CCDC50: variants seen among roughly 807,000 people sequenced by gnomAD.
The protein encoded by CCDC50 is coiled-coil domain containing 50.
CCDC50 carries 54 observed loss-of-function variants against 70.2 expected under a neutral mutation model. That is an observed-to-expected ratio of 0.77 (90% CI 0.62 to 0.96). The LOEUF (loss-of-function observed/expected upper bound fraction) is 0.96. Among genes scored for constraint, CCDC50 ranks in the 50% least tolerant of loss-of-function variants. The pLI, the probability that CCDC50 is intolerant of heterozygous loss-of-function variation, is 0.00. For missense variants in CCDC50, 558 were observed against 578.7 expected (o/e 0.96, Z 0.37); for synonymous variants, 216 against 198.8 (o/e 1.09, Z -0.73).
In CCDC50 at chr3:191,337,156, T is replaced by C. The variant is rs1009795726; in HGVS notation, c.49+7433T>C. Among the ~76,000 whole-genome samples, 3 of 149,804 alleles carry C rather than the reference T, an allele frequency of 2.0e-5. No individual in the cohort carries two copies. In the East Asian group the frequency reaches 5.8e-4, roughly 29 times the overall value. On this transcript the variant is annotated intron_variant, in intron 1 of 11. Coordinates refer to ENST00000392455, the MANE Select transcript of CCDC50 (RefSeq NM_178335.3). ...GGCAAAGCTTAAATTTTTTGCGACC[T>C]GATACTAGACAGAAAAAAAAAAAAG... is the stretch of plus-strand genomic sequence containing the variant.
chr3:191,352,799 T>G (rs2108645128), intron 1 of CCDC50, among the ~76,000 whole-genome samples: 1 of 142,014 alleles, frequency 7.0e-6, no homozygotes, highest in Non-Finnish European at 1.6e-5. Context: ...TTAATGAGAA[T>G]GGGGATAGGG....
rs1560174944 is a variant in CCDC50 at position 191,393,227 on chromosome 3, CCT to C, written c.*1474_*1475del. Reference sequence around the variant, plus strand: ...ATGGCAATCAAGCTCACTTGTTCTCCCTCTCTCTGTCTCCCCCCCATGTACAC... The same window carrying C: ...ATGGCAATCAAGCTCACTTGTTCTCCCTCTCTGTCTCCCCCCCATGTACAC... On this transcript the variant is annotated 3_prime_UTR_variant, in exon 12 of 12. Coordinates refer to ENST00000392455, the MANE Select transcript of CCDC50 (RefSeq NM_178335.3). 2 of 152,248 alleles carry C rather than the reference CCT, an allele frequency of 1.3e-5. No homozygotes were observed. Among genetic ancestry groups the C allele is most frequent in the South Asian group, 2.1e-4 (1 of 4,830 alleles). 9.4% of individuals were successfully genotyped at this position (152,248 alleles called of 1,614,324 possible). A position where few individuals can be genotyped will look rare whatever the true frequency, so the allele number is the denominator to read the frequency against.
intron 4 of CCDC50, among the ~76,000 whole-genome samples, chr3:191,363,075 GT>G (rs35947345): frequency 0.65 from 95,581 of 147,868 alleles, 32,314 homozygotes; most frequent in East Asian, 0.89. Context: ...GTCCTGTGGG[GT>G]TTTTTTTTTT....
chr3:191,356,150 G>A (rs958988940), intron 1 of CCDC50, among the ~76,000 whole-genome samples: 4 of 152,112 alleles, frequency 2.6e-5, no homozygotes, highest in African/African-American at 9.7e-5. Flanking sequence ...TTACATGCTT[G>A]GAATAGAGTG....
At position 191,357,904 on chromosome 3, in the gene CCDC50, CTGT is replaced by C. The variant is rs2108648867; in HGVS notation, c.113-89_113-87del. 1.3e-5 allele frequency: 19 copies of C among 1,484,256 alleles called. No individual in the cohort carries two copies. The South Asian group carries it at 2.2e-4, about 17-fold the overall frequency. The allele number at this position is 1,484,256 out of a possible 1,614,324, so 91.9% of individuals were successfully genotyped here. On this transcript the variant is annotated intron_variant, in intron 2 of 11. Coordinates refer to ENST00000392455, the MANE Select transcript of CCDC50 (RefSeq NM_178335.3). ...ATAAAATGAAGTGATGGATGCAAAGCTGTTGTTATGGTAAAGCTCTTAAGATTA... is the reference window on the plus strand; with the variant it reads ...ATAAAATGAAGTGATGGATGCAAAGCTGTTATGGTAAAGCTCTTAAGATTA...
intron 1 of CCDC50, among the ~76,000 whole-genome samples, chr3:191,347,141 C>G (rs1711955066): frequency 7.0e-6 from 1 of 142,292 alleles, no homozygotes; most frequent in African/African-American, 2.5e-5. Flanking sequence ...AGCTTTCTAT[C>G]TGTGATGTTT....
intron 2 of CCDC50, 43 bp from the exon 3 acceptor site, chr3:191,357,955 A>AC: frequency 6.2e-7 from 1 of 1,613,382 alleles, no homozygotes; most frequent in Non-Finnish European, 8.5e-7. Context: ...TTACTAACAA[A>AC]CCAAGACATT....
At chr3:191,346,135 A>C (rs1711915770) in intron 1 of CCDC50, among the ~76,000 whole-genome samples, 1 of 152,212 alleles carries the variant, frequency 6.6e-6, no homozygotes, top group Non-Finnish European at 1.5e-5. Flanking sequence ...TACTTTTGTT[A>C]ATTTTCAAAG....
intron 10 of CCDC50, among the ~76,000 whole-genome samples, chr3:191,383,460 A>G (rs1713389966): frequency 6.6e-6 from 1 of 152,070 alleles, no homozygotes; most frequent in Non-Finnish European, 1.5e-5. Flanking sequence ...TCGAAAGAAA[A>G]CATGATTGGA....
At chr3:191,365,025 A>C (rs1712632350) in intron 4 of CCDC50, among the ~76,000 whole-genome samples, 1 of 152,132 alleles carries the variant, frequency 6.6e-6, no homozygotes, top group Non-Finnish European at 1.5e-5. Flanking sequence ...TAATCAGTTA[A>C]TTTAACTTAG....
At chr3:191,340,644 G>A (rs1711688262) in intron 1 of CCDC50, among the ~76,000 whole-genome samples, 1 of 152,096 alleles carries the variant, frequency 6.6e-6, no homozygotes, top group Non-Finnish European at 1.5e-5. Flanking sequence ...TGGACATTCA[G>A]CTGAAAAAGT....
rs530617340 is a variant in CCDC50 at position 191,344,440 on chromosome 3, T to C, written c.50-12648T>C. 4.9e-4 allele frequency among the ~76,000 whole-genome samples: 75 copies of C among 152,362 alleles called. 1 individual carries two copies. The highest frequency in any genetic ancestry group is 1.7e-3 in the African/African-American group (71 of 41,586). On this transcript the variant is annotated intron_variant, in intron 1 of 11. Transcript: ENST00000392455. ...AATTTTTAAAATTAAATTTATATTA[T>C]ATGTAACAGTTACATATGATTGGCG... is the stretch of plus-strand genomic sequence containing the variant.
At chr3:191,343,586 G>A (rs1711808811) in intron 1 of CCDC50, among the ~76,000 whole-genome samples, 1 of 152,212 alleles carries the variant, frequency 6.6e-6, no homozygotes, top group Non-Finnish European at 1.5e-5. Context: ...AGAGTAATTA[G>A]TTGCTAAGTT....
chr3:191,384,812 C>T (rs1370350286), intron 10 of CCDC50, among the ~76,000 whole-genome samples: 1 of 152,094 alleles, frequency 6.6e-6, no homozygotes, highest in Non-Finnish European at 1.5e-5. Context: ...TTTCTCAGCC[C>T]TTGCCTCCCT....
chr3:191,390,673 C>T (rs1377146977), intron 11 of CCDC50, among the ~76,000 whole-genome samples: 1 of 152,090 alleles, frequency 6.6e-6, no homozygotes, highest in East Asian at 1.9e-4. Context: ...ATATAATGAG[C>T]AGTGAGGACA....
intron 4 of CCDC50, among the ~76,000 whole-genome samples, chr3:191,361,771 A>G (rs1332928044): frequency 6.6e-6 from 1 of 152,186 alleles, no homozygotes; most frequent in Non-Finnish European, 1.5e-5. Flanking sequence ...AGGTTTGGAT[A>G]GAAATGAATT....
In CCDC50 at chr3:191,391,933, A is replaced by G; in HGVS notation, c.*173A>G. The G allele has an allele frequency of 4.5e-6, 3 of 663,698 alleles. No individual in the cohort carries two copies. In the South Asian group the frequency reaches 5.7e-5, roughly 13 times the overall value. 41.1% of individuals were successfully genotyped at this position (663,698 alleles called of 1,614,324 possible). On this transcript the variant is annotated 3_prime_UTR_variant, in exon 12 of 12. Coordinates refer to ENST00000392455, the MANE Select transcript of CCDC50 (RefSeq NM_178335.3). ...TTCATTTCAAATGTTTTGGTTATTC[A>G]TGATCACTTGGGCAGTATAAGAAAA...
chr3:191,371,807 A>C (rs1034020558), intron 5 of CCDC50, among the ~76,000 whole-genome samples: 1 of 152,086 alleles, frequency 6.6e-6, no homozygotes, highest in Admixed American at 6.6e-5. Flanking sequence ...ATGAATCTAT[A>C]TGTTATGTCA....
chr3:191,389,853 CTTTTTTTTTTT>C (rs10635756), intron 11 of CCDC50, among the ~76,000 whole-genome samples: 47 of 84,644 alleles, frequency 5.6e-4, no homozygotes, highest in African/African-American at 2.2e-3. Context: ...ATCAAATTCA[CTTTTTTTTTTT>C]TTTTTTTTTT....
Sources: gnomAD v4.1 joint callset for allele counts (sites outside exome capture counted in the v4.1 genomes callset) on GRCh38, gnomAD v4.1.1 for gene constraint, MANE v1.5 for transcripts, NCBI Gene and HGNC (gene_info 2026-07-23, HGNC 2026-07-21) for gene names.